FAIM2: variants seen among roughly 807,000 people sequenced by gnomAD.
The protein encoded by FAIM2 is protein lifeguard 2.
Under a neutral mutation model 47.4 loss-of-function variants are expected in FAIM2, and 27 were observed. The ratio of observed to expected loss-of-function variants is 0.57; its 90% CI spans 0.42 to 0.78. FAIM2 has a LOEUF of 0.78. Among genes scored for constraint, FAIM2 ranks in the 30% least tolerant of loss-of-function variants. The pLI is 0.00. For missense variants in FAIM2, 311 were observed against 389.4 expected (o/e 0.80, Z 1.69); for synonymous variants, 156 against 159.3 (o/e 0.98, Z 0.16).
intron 11 of FAIM2, among the ~76,000 whole-genome samples, chr12:49,873,058 G>C (rs1946713871): frequency 6.6e-6 from 1 of 152,192 alleles, no homozygotes; most frequent in Non-Finnish European, 1.5e-5. Context: ...TCCTTGGGGA[G>C]CTGAGTGGCC....
intron 6 of FAIM2, 70 bp downstream of exon 6, chr12:49,890,994 A>G: frequency 6.7e-7 from 1 of 1,490,888 alleles, no homozygotes; most frequent in South Asian, 1.1e-5. Flanking sequence ...GGTGGCTGGC[A>G]GGGCTGGGGC....
rs192594693 is a variant in FAIM2 at position 49,874,985 on chromosome 12, C to T, written c.802-4332G>A. 1.1e-3 allele frequency among the ~76,000 whole-genome samples: 171 copies of T among 152,160 alleles called. No homozygotes were observed. The highest frequency in any genetic ancestry group is 3.1e-3 in the Admixed American group (48 of 15,286). On this transcript the variant is annotated intron_variant, in intron 11 of 11. Coordinates refer to ENST00000320634, the MANE Select transcript of FAIM2 (RefSeq NM_012306.4). The surrounding 1 kb of genome is among the most constrained non-coding windows in gnomAD (Gnocchi z 4.2). Reference sequence around the variant, plus strand: ...CATAAAACTATACACGTCAGAGGAGCGCACATAGCAAATATCTATGAAATG... The same window carrying T: ...CATAAAACTATACACGTCAGAGGAGTGCACATAGCAAATATCTATGAAATG...
In FAIM2 at chr12:49,889,506, A is replaced by G; in HGVS notation, c.626T>C (p.Val209Ala). 6.2e-7 allele frequency: 1 copy of G among 1,613,990 alleles called. No homozygotes were observed. Among genetic ancestry groups the G allele is most frequent in the East Asian group, 2.2e-5 (1 of 44,854 alleles). ...CTTGGTCTGGAAGCTGAAGACGGTGACTGAGAGGCAGACAAGGGCCGTGAT... is the reference window on the plus strand; with the variant it reads ...CTTGGTCTGGAAGCTGAAGACGGTGGCTGAGAGGCAGACAAGGGCCGTGAT... ...LGITALVCLS[V>A]TVFSFQTKFD... Residue 209 changes from valine to alanine, a missense_variant, in exon 9 of 12, where the codon GTC becomes GCC. By Grantham distance (64) the Val-to-Ala change is moderately conservative (BLOSUM62 0). Coordinates refer to ENST00000320634, the MANE Select transcript of FAIM2 (RefSeq NM_012306.4).
intron 3 of FAIM2, 135 bp downstream of exon 3, chr12:49,897,852 A>T: frequency 1.4e-6 from 1 of 702,844 alleles, no homozygotes. Flanking sequence ...AGCAATTCCT[A>T]GTGGGTGCTG....
chr12:49,878,487 T>C lies in FAIM2; in HGVS notation c.802-7834A>G, dbSNP rs966281956. On this transcript the variant is annotated intron_variant, in intron 11 of 11. Transcript: ENST00000320634. ...ATGTATGTGTGTGTGCATGTGTGTA[T>C]ATGTATGTGCATGTGTGTATATGTG... Among the ~76,000 whole-genome samples the C allele has an allele frequency of 1.1e-4, 14 of 127,082 alleles. 2 individuals carry two copies. The highest frequency in any genetic ancestry group is 1.8e-4 in the Non-Finnish European group (11 of 61,740). The allele number at this position is 127,082 out of a possible 152,430, so 83.4% of individuals were successfully genotyped here.
At chr12:49,880,222 G>C (rs1477329727) in intron 11 of FAIM2, among the ~76,000 whole-genome samples, 1 of 151,572 alleles carries the variant, frequency 6.6e-6, no homozygotes, top group East Asian at 1.9e-4. Flanking sequence ...GTGTGTATAT[G>C]TGCATGCATG....
At chr12:49,895,978 G>A (rs1438760916) in intron 5 of FAIM2, among the ~76,000 whole-genome samples, 1 of 152,246 alleles carries the variant, frequency 6.6e-6, no homozygotes, top group Non-Finnish European at 1.5e-5. Context: ...AATGTACCAC[G>A]TGCATTCTCG....
At chr12:49,872,495 C>T (rs978123427) in intron 11 of FAIM2, among the ~76,000 whole-genome samples, 23 of 152,286 alleles carry the variant, frequency 1.5e-4, no homozygotes, top group Non-Finnish European at 2.8e-4. Context: ...TTTCCTTCAC[C>T]TCCGCCATGG....
At chr12:49,886,446 G>A (rs1419696552) in intron 11 of FAIM2, among the ~76,000 whole-genome samples, 1 of 152,218 alleles carries the variant, frequency 6.6e-6, no homozygotes, top group Non-Finnish European at 1.5e-5. Flanking sequence ...TGATATCTCT[G>A]AGCTTCAGTT....
Position 49,889,522 on chromosome 12 carries a change from G to A in FAIM2, c.610C>T (p.Leu204Phe), listed in dbSNP as rs1365932770. The A allele has an allele frequency of 6.2e-7, 1 of 1,614,108 alleles. No homozygotes were observed. Among genetic ancestry groups the A allele is most frequent in the Admixed American group, 1.7e-5 (1 of 60,020 alleles). The stretch of plus-strand genomic sequence containing the variant: ...AAGACGGTGACTGAGAGGCAGACAA[G>A]GGCCGTGATGCCCAGGCACAGCAGC... ...SVLLCLGITA[L>F]VCLSVTVFSF... The change falls in exon 9 of 12, where the codon CTT becomes TTT. Residue 204 changes from leucine (L) to phenylalanine (F), a missense_variant. Physicochemically the swap from Leu to Phe is conservative, Grantham distance 22. Coordinates refer to ENST00000320634, the MANE Select transcript of FAIM2 (RefSeq NM_012306.4).
intron 10 of FAIM2, 129 bp downstream of exon 10, chr12:49,888,978 C>T: frequency 1.4e-6 from 1 of 700,270 alleles, no homozygotes. Flanking sequence ...CCAGGAGGGG[C>T]CGCACAGGAT....
At chr12:49,903,723 A>AGGGAGCC in intron 1 of FAIM2, 55 bp downstream of exon 1, 3 of 1,549,838 alleles carry the variant, frequency 1.9e-6, no homozygotes, top group Non-Finnish European at 2.6e-6. Flanking sequence ...TGAGGATGAC[A>AGGGAGCC]GGGAGCCGGG....
intron 11 of FAIM2, among the ~76,000 whole-genome samples, chr12:49,873,399 G>T (rs1317983421): frequency 1.3e-5 from 2 of 152,090 alleles, no homozygotes; most frequent in East Asian, 1.9e-4. Flanking sequence ...TGTTTGATTT[G>T]GATTCCCAAG....
chr12:49,897,443 T>C, intron 4 of FAIM2, 76 bp downstream of exon 4: 1 of 1,358,878 alleles, frequency 7.4e-7, no homozygotes. Flanking sequence ...CCAGCAGGAG[T>C]CTGATCATGG....
At position 49,878,515 on chromosome 12, in the gene FAIM2, CAT is replaced by C. The variant is rs1374205531; in HGVS notation, c.802-7864_802-7863del. ...GTATGTGCATGTGTGTATATGTGTG[CAT>C]ATGACTGTGTATGTGCATGTGTATA... On this transcript the variant is annotated intron_variant, in intron 11 of 11. Transcript: ENST00000320634. Among the ~76,000 whole-genome samples, 18 of 57,484 alleles carry C rather than the reference CAT, an allele frequency of 3.1e-4. 3 individuals are homozygous for C. Among genetic ancestry groups the C allele is most frequent in the African/African-American group, 1.0e-3 (10 of 9,606 alleles). 37.7% of individuals were successfully genotyped at this position (57,484 alleles called of 152,430 possible).
chr12:49,889,422 C>T lies in FAIM2; in HGVS notation c.651+59G>A, dbSNP rs989219867. 5.3e-6 allele frequency: 8 copies of T among 1,500,960 alleles called. No homozygotes were observed. In the African/African-American group the frequency reaches 9.7e-5, roughly 18 times the overall value. 93.0% of individuals were successfully genotyped at this position (1,500,960 alleles called of 1,614,324 possible). ...CCGAGCTCTGAGGCCCCCACCCCAT[C>T]TGCCTTCCCCTGCTCAGCCTCAGGC... On this transcript the variant is annotated intron_variant, in intron 9 of 11. Coordinates refer to ENST00000320634, the MANE Select transcript of FAIM2 (RefSeq NM_012306.4).
intron 2 of FAIM2, among the ~76,000 whole-genome samples, chr12:49,899,452 G>A (rs539812985): frequency 3.3e-5 from 5 of 152,224 alleles, no homozygotes; most frequent in Non-Finnish European, 5.9e-5. Flanking sequence ...AAGCCTCCGC[G>A]GCCTCCCTGC....
At chr12:49,899,998 A>G (rs1414251440) in intron 2 of FAIM2, among the ~76,000 whole-genome samples, 1 of 152,240 alleles carries the variant, frequency 6.6e-6, no homozygotes, top group Non-Finnish European at 1.5e-5. Flanking sequence ...CTGAGGCCTG[A>G]AGACCCTTGC....
rs77978149 is a variant in FAIM2, at chr12:49,876,080, C to T, written c.802-5427G>A. 4.5e-3 allele frequency among the ~76,000 whole-genome samples: 680 copies of T among 152,330 alleles called. 27 individuals carry two copies. In the East Asian group the frequency reaches 0.081, roughly 18 times the overall value. ...CCATGTGTGGTCATACGAGAAAGGG[C>T]ATGAGTCCAGTATAATACAGTGCTT... On this transcript the variant is annotated intron_variant, in intron 11 of 11. Coordinates refer to ENST00000320634, the MANE Select transcript of FAIM2 (RefSeq NM_012306.4).
Sources: allele counts gnomAD v4.1 joint callset (sites outside exome capture counted in the v4.1 genomes callset), GRCh38; gene constraint gnomAD v4.1.1; non-coding constraint Gnocchi (gnomAD v3.1); transcripts MANE v1.5; gene names NCBI Gene and HGNC (gene_info 2026-07-23, HGNC 2026-07-21).